Variants in ABCG1 observed in about 807,000 individuals in gnomAD.
ABCG1 encodes ATP binding cassette subfamily G member 1.
Under a neutral mutation model 69.2 loss-of-function variants are expected in ABCG1, and 29 were observed. The observed-to-expected ratio is 0.42, with a 90% confidence interval of 0.31 to 0.57. ABCG1 has a LOEUF of 0.57. Among genes scored for constraint, ABCG1 ranks in the 20% least tolerant of loss-of-function variants. The probability of loss-of-function intolerance (pLI) is 0.15; values close to 1 mark genes in which losing one functional copy is unlikely to be tolerated. For synonymous variants in ABCG1, 370 were observed against 374.8 expected (o/e 0.99, Z 0.15); for missense variants, 718 against 898.1 (o/e 0.80, Z 2.56).
intron 2 of ABCG1, among the ~76,000 whole-genome samples, chr21:42,261,793 G>T (rs115023875): frequency 6.6e-6 from 1 of 152,310 alleles, no homozygotes; most frequent in East Asian, 1.9e-4. Flanking sequence ...TGTTTATGGC[G>T]TACTTAACTC....
chr21:42,263,761 G>T (rs1176857834), intron 2 of ABCG1, among the ~76,000 whole-genome samples: 1 of 152,216 alleles, frequency 6.6e-6, no homozygotes, highest in Non-Finnish European at 1.5e-5. Flanking sequence ...ACTGTGGGGA[G>T]GGGCCAGGCG....
rs12482369 is a variant in ABCG1, at chr21:42,219,691, G to A, written c.42+387G>A. 0.055 allele frequency: 44,028 copies of A among 797,154 alleles called. 1,626 individuals carry two copies. The highest frequency in any genetic ancestry group is 0.07 in the Non-Finnish European group (37,190 of 532,852). The allele number at this position is 797,154 out of a possible 1,614,324, so 49.4% of individuals were successfully genotyped here. A position where few individuals can be genotyped will look rare whatever the true frequency, so the allele number is the denominator to read the frequency against. On this transcript the variant is annotated intron_variant, in intron 1 of 14. Transcript: ENST00000398449. This position sits in a 1 kb window ranked among gnomAD's most constrained non-coding sequence, Gnocchi z 5.3. Reference sequence around the variant, plus strand: ...GCCGCAGCTTGGGCCGGAGGGAAGAGGGGACTTGAAGAAGGGGAGCCCCGC... The same window carrying A: ...GCCGCAGCTTGGGCCGGAGGGAAGAAGGGACTTGAAGAAGGGGAGCCCCGC...
At chr21:42,272,609 C>T (rs1188549782) in intron 3 of ABCG1, among the ~76,000 whole-genome samples, 1 of 152,204 alleles carries the variant, frequency 6.6e-6, no homozygotes, top group African/African-American at 2.4e-5. Flanking sequence ...CTGTGGCATG[C>T]ACCAGCTCCC....
chr21:42,228,266 C>A (rs899164021), intron 2 of ABCG1, among the ~76,000 whole-genome samples: 1 of 152,150 alleles, frequency 6.6e-6, no homozygotes, highest in African/African-American at 2.4e-5. Context: ...GAGGGACCTG[C>A]CCATGACTCA....
At chr21:42,256,183 G>A (rs1223820610) in intron 2 of ABCG1, 15 of 1,417,346 alleles carry the variant, frequency 1.1e-5, no homozygotes, top group Admixed American at 3.1e-5. Flanking sequence ...GGGCTGCTGC[G>A]ATCATTTAGG....
At chr21:42,268,263 C>T (rs1410052374) in intron 2 of ABCG1, among the ~76,000 whole-genome samples, 5 of 151,760 alleles carry the variant, frequency 3.3e-5, no homozygotes, top group African/African-American at 4.8e-5. Context: ...GTAGGGCAGG[C>T]GGGGTGGGAT....
intron 2 of ABCG1, among the ~76,000 whole-genome samples, chr21:42,240,964 G>A (rs2068042920): frequency 6.6e-6 from 1 of 152,272 alleles, no homozygotes; most frequent in Admixed American, 6.5e-5. Flanking sequence ...GGGACCGAGG[G>A]CACAGGTGGG....
chr21:42,210,312 T>C (rs1395301096), intron 2 of ABCG1, among the ~76,000 whole-genome samples: 3 of 151,902 alleles, frequency 2.0e-5, no homozygotes, highest in Non-Finnish European at 4.4e-5. Context: ...GAGTCAGGGG[T>C]GGGAGGTTCC....
chr21:42,220,138 C>T, intron 1 of ABCG1: 1 of 1,119,202 alleles, frequency 8.9e-7, no homozygotes, highest in Non-Finnish European at 1.3e-6. Context: ...GGCCCCCAGC[C>T]ACCCACCTCA....
intron 2 of ABCG1, among the ~76,000 whole-genome samples, chr21:42,268,413 A>C (rs2068557000): frequency 6.8e-6 from 1 of 146,236 alleles, no homozygotes; most frequent in Non-Finnish European, 1.5e-5. Flanking sequence ...GATACTCAGG[A>C]AACCCGACTA....
chr21:42,211,725 CAA>C (rs372775582), upstream of ABCG1, among the ~76,000 whole-genome samples: 5,460 of 137,666 alleles, frequency 0.04, 106 homozygotes, highest in Non-Finnish European at 0.044. Context: ...ACTAAAAATA[CAA>C]AAAAAAAAAA....
chr21:42,216,317 C>A, upstream of ABCG1: 1 of 327,316 alleles, frequency 3.1e-6, no homozygotes, highest in Admixed American at 3.7e-5. Flanking sequence ...GTCAGCAATG[C>A]CTTAGCAGAA....
At chr21:42,206,274 C>A (rs190154718) in intron 2 of ABCG1, among the ~76,000 whole-genome samples, 1 of 152,052 alleles carries the variant, frequency 6.6e-6, no homozygotes, top group East Asian at 1.9e-4. Context: ...CACTTGAGCC[C>A]GGGAGGTGGA....
chr21:42,206,005 A>C (rs2067539899), intron 2 of ABCG1, among the ~76,000 whole-genome samples: 1 of 152,154 alleles, frequency 6.6e-6, no homozygotes, highest in Non-Finnish European at 1.5e-5. Flanking sequence ...CTAACTGTTC[A>C]GAAGTTTTTC....
chr21:42,272,549 G>A (rs2068634624), intron 3 of ABCG1, among the ~76,000 whole-genome samples: 1 of 152,248 alleles, frequency 6.6e-6, no homozygotes. Context: ...TAACGTCTAG[G>A]AGGTAGGGCT....
Position 42,276,831 on chromosome 21 carries a change from A to ACAC in ABCG1, c.538-64_538-63insCAC, listed in dbSNP as rs2123752652. The ACAC allele has an allele frequency of 1.3e-6, 2 of 1,559,108 alleles. No homozygotes were observed. The highest frequency in any genetic ancestry group is 8.8e-7 in the Non-Finnish European group (1 of 1,131,468). On this transcript the variant is annotated intron_variant, in intron 4 of 14. Transcript: ENST00000398449. The surrounding 1 kb of genome is among the most constrained non-coding windows in gnomAD (Gnocchi z 5.3). ...CTGCACCGTGGCCTGCAGTGCGGGCATGAGGCTCACACTGCCAGTGGCCGT... is the reference window on the plus strand; with the variant it reads ...CTGCACCGTGGCCTGCAGTGCGGGCACACTGAGGCTCACACTGCCAGTGGCCGT...
At chr21:42,211,021 G>A (rs370450665) in intron 2 of ABCG1, among the ~76,000 whole-genome samples, 9 of 149,322 alleles carry the variant, frequency 6.0e-5, no homozygotes, top group Admixed American at 2.7e-4. Flanking sequence ...GTGCAGTGGC[G>A]TGATCTCAGC....
intron 1 of ABCG1, among the ~76,000 whole-genome samples, chr21:42,201,139 G>T (rs373272585): frequency 6.6e-6 from 1 of 152,002 alleles, no homozygotes; most frequent in African/African-American, 2.4e-5. Flanking sequence ...CACTGATAGG[G>T]TTTTGATACG....
At chr21:42,227,361 G>A (rs1179467330) in intron 2 of ABCG1, among the ~76,000 whole-genome samples, 1 of 152,186 alleles carries the variant, frequency 6.6e-6, no homozygotes, top group Non-Finnish European at 1.5e-5. Flanking sequence ...ATAGAAAAAT[G>A]TATCAAGAAA....
Sources: gnomAD v4.1 joint callset for allele counts (sites outside exome capture counted in the v4.1 genomes callset) on GRCh38, gnomAD v4.1.1 for gene constraint, Gnocchi (gnomAD v3.1) non-coding constraint, MANE v1.5 for transcripts, NCBI Gene and HGNC (gene_info 2026-07-23, HGNC 2026-07-21) for gene names.